The following HIVEP3 variants were observed in gnomAD, a reference collection of about 807,000 sequenced individuals.
HIVEP3 encodes transcription factor HIVEP3.
Under a neutral mutation model 152.8 loss-of-function variants are expected in HIVEP3, and 49 were observed. That is an observed-to-expected ratio of 0.32 (90% confidence interval 0.26 to 0.41). The LOEUF is 0.41. HIVEP3 is among the 10% of genes least tolerant of loss of function. HIVEP3 has a pLI of 1.00. For missense variants in HIVEP3, 2,790 were observed against 3,103.3 expected (o/e 0.90, Z 2.40); for synonymous variants, 1,269 against 1,289.0 (o/e 0.98, Z 0.33).
At chr1:41,761,918 C>G (rs928456095) in intron 1 of HIVEP3, among the ~76,000 whole-genome samples, 5 of 152,204 alleles carry the variant, frequency 3.3e-5, no homozygotes, top group African/African-American at 1.2e-4. Context: ...CAGTTTAAAG[C>G]CTGAAAGCCG....
chr1:41,518,460 C>G lies in HIVEP3; in HGVS notation c.5412G>C (p.Lys1804Asn). Residue 1804 changes from lysine to asparagine, a missense_variant, in exon 7 of 9, where the codon AAG becomes AAC. Physicochemically the swap from Lys to Asn is moderately conservative, Grantham distance 94. This residue lies in a region of HIVEP3 where 57 missense variants were observed against 95.1 expected (regional missense o/e 0.60). Transcript: ENST00000372583. ...KGNLTKHMKSKAHSKKCQETG... is the reference protein window; with the variant it reads ...KGNLTKHMKSNAHSKKCQETG... Reference sequence around the variant, plus strand: ...TCTCTTGGCACTTTTTGCTGTGGGCCTTCGACTTCATGTGCTTAGTCAGAT... The same window carrying G: ...TCTCTTGGCACTTTTTGCTGTGGGCGTTCGACTTCATGTGCTTAGTCAGAT... 6.2e-7 allele frequency: 1 copy of G among 1,614,190 alleles called. No homozygotes were observed. The highest frequency in any genetic ancestry group is 8.5e-7 in the Non-Finnish European group (1 of 1,180,004).
chr1:41,553,803 T>C (rs1643925245), intron 5 of HIVEP3, among the ~76,000 whole-genome samples: 1 of 152,236 alleles, frequency 6.6e-6, no homozygotes, highest in African/African-American at 2.4e-5. Context: ...TTCTTTTCTT[T>C]AAGAATGTTG....
At chr1:41,708,002 TTTCCTGTAGCTGATGAGCAGA>T (rs1231368832) in intron 1 of HIVEP3, among the ~76,000 whole-genome samples, 1 of 152,160 alleles carries the variant, frequency 6.6e-6, no homozygotes, top group African/African-American at 2.4e-5. Context: ...CTGACACCAG[TTTCCTGTAGCTGATGAGCAGA>T]AGACTTGTTA....
intron 1 of HIVEP3, among the ~76,000 whole-genome samples, chr1:42,033,732 A>C (rs1645626034): frequency 6.6e-6 from 1 of 152,202 alleles, no homozygotes; most frequent in Admixed American, 6.5e-5. Flanking sequence ...TTACACTGTA[A>C]AGTGCTCTTC....
intron 1 of HIVEP3, among the ~76,000 whole-genome samples, chr1:41,813,101 C>T (rs186243080): frequency 1.3e-5 from 2 of 152,200 alleles, no homozygotes; most frequent in African/African-American, 4.8e-5. Flanking sequence ...TGCAGTGGTG[C>T]GATCTTGGCT....
intron 1 of HIVEP3, among the ~76,000 whole-genome samples, chr1:41,945,063 A>G (rs1645067635): frequency 6.6e-6 from 1 of 152,184 alleles, no homozygotes; most frequent in African/African-American, 2.4e-5. Flanking sequence ...AAAGAAGGTA[A>G]ATGGAGTGAA....
chr1:41,606,019 G>A (rs562155262), intron 3 of HIVEP3, among the ~76,000 whole-genome samples: 1 of 152,294 alleles, frequency 6.6e-6, no homozygotes, highest in East Asian at 1.9e-4. Flanking sequence ...TGGTTACAAA[G>A]TCCATTTCTT....
intron 1 of HIVEP3, among the ~76,000 whole-genome samples, chr1:41,948,353 C>T (rs1038908530): frequency 2.6e-4 from 39 of 152,152 alleles, no homozygotes; most frequent in Admixed American, 2.0e-3. Flanking sequence ...TCCATGCCCA[C>T]GCAGCAATAT....
chr1:41,767,282 C>A (rs1354087973), intron 1 of HIVEP3, among the ~76,000 whole-genome samples: 1 of 152,232 alleles, frequency 6.6e-6, no homozygotes, highest in East Asian at 1.9e-4. Context: ...AGGAAGGAAG[C>A]ACTGTGCTGG....
intron 5 of HIVEP3, among the ~76,000 whole-genome samples, chr1:41,539,132 G>GAGAA (rs2149067690): frequency 6.6e-6 from 1 of 152,326 alleles, no homozygotes; most frequent in African/African-American, 2.4e-5. Flanking sequence ...CTCTGATGCA[G>GAGAA]AGAAGCCTGC....
chr1:41,738,468 G>T (rs1260079456), intron 1 of HIVEP3, among the ~76,000 whole-genome samples: 1 of 152,182 alleles, frequency 6.6e-6, no homozygotes, highest in South Asian at 2.1e-4. Context: ...TATAGCATAA[G>T]AATGTTTAAA....
intron 1 of HIVEP3, among the ~76,000 whole-genome samples, chr1:41,838,573 A>T (rs1306944254): frequency 6.6e-6 from 1 of 152,064 alleles, no homozygotes; most frequent in Non-Finnish European, 1.5e-5. Context: ...ATTTTTTAGG[A>T]CCTGCTTTCT....
intron 1 of HIVEP3, among the ~76,000 whole-genome samples, chr1:41,933,301 T>G (rs534092146): frequency 7.2e-5 from 11 of 152,246 alleles, no homozygotes; most frequent in African/African-American, 2.6e-4. Flanking sequence ...TCTATTTCAC[T>G]TTTTGATTCT....
At chr1:41,603,667 G>C (rs780280197) in intron 3 of HIVEP3, among the ~76,000 whole-genome samples, 3 of 152,150 alleles carry the variant, frequency 2.0e-5, no homozygotes, top group Non-Finnish European at 4.4e-5. Context: ...GCCTGCTATT[G>C]ATTTCTAGTT....
chr1:41,970,855 A>C (rs1645224848), intron 1 of HIVEP3, among the ~76,000 whole-genome samples: 1 of 152,190 alleles, frequency 6.6e-6, no homozygotes, highest in South Asian at 2.1e-4. Flanking sequence ...GCTAAGGAAC[A>C]TCTAGGGCTA....
At chr1:41,788,627 C>G (rs1314210237) in intron 1 of HIVEP3, among the ~76,000 whole-genome samples, 1 of 152,268 alleles carries the variant, frequency 6.6e-6, no homozygotes, top group Non-Finnish European at 1.5e-5. Flanking sequence ...GCTAGCAGTC[C>G]TGGGACATGG....
intron 1 of HIVEP3, among the ~76,000 whole-genome samples, chr1:41,967,621 A>G (rs1183716559): frequency 6.6e-6 from 1 of 152,222 alleles, no homozygotes; most frequent in Admixed American, 6.5e-5. Context: ...ACATCCTAAC[A>G]TCACAACTAA....
intron 2 of HIVEP3, among the ~76,000 whole-genome samples, chr1:41,653,371 C>G (rs761183735): frequency 6.6e-6 from 1 of 152,032 alleles, no homozygotes; most frequent in Non-Finnish European, 1.5e-5. Context: ...TTGCAGATAC[C>G]CAATGCACTT....
intron 1 of HIVEP3, among the ~76,000 whole-genome samples, chr1:41,845,994 G>A (rs1643433185): frequency 6.6e-6 from 1 of 152,176 alleles, no homozygotes; most frequent in African/African-American, 2.4e-5. Flanking sequence ...TTGAACCCGG[G>A]AGACAGTTGC....
Sources: gnomAD v4.1 joint callset for allele counts (sites outside exome capture counted in the v4.1 genomes callset) on GRCh38, gnomAD v4.1.1 for gene constraint, gnomAD v4.1.1 regional missense constraint, MANE v1.5 for transcripts, NCBI Gene and HGNC (gene_info 2026-07-23, HGNC 2026-07-21) for gene names.